The following BUD23 variants were observed in gnomAD, a reference collection of about 807,000 sequenced individuals.
The protein encoded by BUD23 is 18S rRNA (guanine-N(7))-methyltransferase.
BUD23 carries 34 observed loss-of-function variants against 47.0 expected under a neutral mutation model. The observed-to-expected ratio is 0.72, with a 90% CI of 0.55 to 0.96. The LOEUF is 0.96. Ranked by LOEUF, BUD23 falls within the 40% of genes least tolerant of loss-of-function variation. The pLI, the probability that BUD23 is intolerant of heterozygous loss-of-function variation, is 0.00. For synonymous variants in BUD23, 124 were observed against 132.0 expected (o/e 0.94, Z 0.41); for missense variants, 343 against 361.2 (o/e 0.95, Z 0.41).
chr7:73,684,633 G>T (rs1347501861), intron 2 of BUD23, among the ~76,000 whole-genome samples: 1 of 139,856 alleles, frequency 7.2e-6, no homozygotes, highest in Non-Finnish European at 1.6e-5. Context: ...GGGGATGGGG[G>T]CGGGGGGAAG....
chr7:73,691,955 T>A (rs911902396), intron 6 of BUD23, among the ~76,000 whole-genome samples: 5 of 152,140 alleles, frequency 3.3e-5, no homozygotes, highest in African/African-American at 1.2e-4. Flanking sequence ...CTCCTTAGCC[T>A]GGTCTAGCCC....
In BUD23 at chr7:73,689,351, CT is replaced by C. The variant is rs782421144; in HGVS notation, c.363-1550del. On this transcript the variant is annotated intron_variant, in intron 5 of 11. Coordinates refer to ENST00000265758, the MANE Select transcript of BUD23 (RefSeq NM_017528.5). ...CGTGAGCCACCGCACCCGGCCCAGA[CT>C]TTTTTTTTTTTTTTAAACATTTGCT... Among the ~76,000 whole-genome samples, 675 of 142,546 alleles carry C rather than the reference CT, an allele frequency of 4.7e-3. 3 individuals are homozygous for C. The highest frequency in any genetic ancestry group is 7.2e-3 in the Middle Eastern group (2 of 276). 93.5% of individuals were successfully genotyped at this position (142,546 alleles called of 152,430 possible).
chr7:73,683,622 G>T lies in BUD23; in HGVS notation c.-4G>T, dbSNP rs781844801. ...AGTCGCAGGTGTGCTGCTGAGGCGT[G>T]AGAATGGCGTCCCGCGGCCGGCGTC... On this transcript the variant is annotated 5_prime_UTR_variant, in exon 1 of 12. Coordinates refer to ENST00000265758, the MANE Select transcript of BUD23 (RefSeq NM_017528.5). 1.2e-6 allele frequency: 2 copies of T among 1,608,872 alleles called. No homozygotes were observed. Among genetic ancestry groups the T allele is most frequent in the Non-Finnish European group, 1.7e-6 (2 of 1,178,124 alleles).
At chr7:73,694,602 C>T (rs1798326160) in intron 10 of BUD23, 1 of 152,758 alleles carries the variant, frequency 6.5e-6, no homozygotes, top group South Asian at 2.1e-4. Context: ...ACAATTCTGT[C>T]TCATCACAAA....
Position 73,692,663 on chromosome 7 carries a change from C to G in BUD23, c.510+17C>G. 6.2e-7 allele frequency: 1 copy of G among 1,611,340 alleles called. No homozygotes were observed. Among genetic ancestry groups the G allele is most frequent in the Non-Finnish European group, 8.5e-7 (1 of 1,177,768 alleles). ...TCAGAGCAGGTGAGTCCCTCGGCTA[C>G]TGGGTGTGCCGGGGAGTTGGGGGAC... is the stretch of plus-strand genomic sequence containing the variant. On this transcript the variant is annotated intron_variant, in intron 7 of 11. Coordinates refer to ENST00000265758, the MANE Select transcript of BUD23 (RefSeq NM_017528.5).
In BUD23 at chr7:73,698,153, A is replaced by AAAG. The variant is rs1798508945; in HGVS notation, c.*269_*270insGAA. 3.1e-6 allele frequency: 1 copy of AAAG among 319,286 alleles called. No homozygotes were observed. The highest frequency in any genetic ancestry group is 4.6e-5 in the Admixed American group (1 of 21,654). 19.8% of individuals were successfully genotyped at this position (319,286 alleles called of 1,614,324 possible). Reference sequence around the variant, plus strand: ...TCCAGGGAGGAAAAAAAAAAAAAAAAAAAGCTCTGAGAGCATCTTATTTTG... The same window carrying AAAG: ...TCCAGGGAGGAAAAAAAAAAAAAAAAAAGAAAGCTCTGAGAGCATCTTATTTTG... On this transcript the variant is annotated 3_prime_UTR_variant, in exon 12 of 12. Coordinates refer to ENST00000265758, the MANE Select transcript of BUD23 (RefSeq NM_017528.5).
chr7:73,697,744 T>C (rs1271690617), intron 11 of BUD23, 50 bp downstream of exon 11: 1 of 1,611,268 alleles, frequency 6.2e-7, no homozygotes, highest in Non-Finnish European at 8.5e-7. Flanking sequence ...TGGATGACTA[T>C]TGCCATGAAG....
intron 2 of BUD23, chr7:73,684,062 C>T: frequency 2.3e-6 from 3 of 1,307,818 alleles, no homozygotes; most frequent in East Asian, 2.6e-5. Flanking sequence ...ACAATTTGTC[C>T]TAAACATGTG....
chr7:73,687,095 G>A lies in BUD23; in HGVS notation c.362G>A (p.Ser121Asn). The A allele has an allele frequency of 6.2e-7, 1 of 1,613,336 alleles. No individual in the cohort carries two copies. The part of the protein sequence containing the change: ...FKPGTFDGCI[S>N]ISAVQWLCNA... Reference sequence around the variant, plus strand: ...CCAGGCACATTTGATGGTTGCATCAGGTGAGGGTCTTTAATTCCTGCTTTT... The same window carrying A: ...CCAGGCACATTTGATGGTTGCATCAAGTGAGGGTCTTTAATTCCTGCTTTT... The change falls in exon 5 of 12, where the codon AGC (serine) becomes AAC (asparagine). Residue 121 changes from serine (S) to asparagine (N), a missense_variant and splice_region_variant. By Grantham distance (46) the Ser-to-Asn change is conservative. Coordinates refer to ENST00000265758, the MANE Select transcript of BUD23 (RefSeq NM_017528.5).
rs1554613092 is a variant in BUD23 at position 73,686,838 on chromosome 7, G to A, written c.203G>A (p.Gly68Glu). The A allele has an allele frequency of 2.5e-6, 4 of 1,614,198 alleles. No individual in the cohort carries two copies. The South Asian group carries it at 4.4e-5, about 18-fold the overall frequency. Residue 68 changes from glycine (G) to glutamate (E), a missense_variant, in exon 4 of 12, where the codon GGA becomes GAA. Coordinates refer to ENST00000265758, the MANE Select transcript of BUD23 (RefSeq NM_017528.5). ...TCCAGCTGTGGCACTGGGCTGAGTG[G>A]AAGTTATCTGTCAGATGAAGGGCAC... is the stretch of plus-strand genomic sequence containing the variant. ...LDIGCGTGLS[G>E]SYLSDEGHYW...
At chr7:73,683,919 C>G (rs1435988741) in intron 2 of BUD23, 115 bp downstream of exon 2, 13 of 1,597,118 alleles carry the variant, frequency 8.1e-6, no homozygotes, top group Non-Finnish European at 1.1e-5. Flanking sequence ...AAGGGAAGGA[C>G]CCGGGTGGGT....
chr7:73,697,525 G>T, intron 10 of BUD23, 80 bp from the exon 11 acceptor site: 1 of 1,607,784 alleles, frequency 6.2e-7, no homozygotes, highest in Non-Finnish European at 8.5e-7. Context: ...AGGTAAGCTT[G>T]CCATGGATTC....
In BUD23 at chr7:73,686,899, G is replaced by A. The variant is rs782417681; in HGVS notation, c.264G>A (p.Leu88=). Residue 88 remains leucine, a splice_region_variant and synonymous_variant, in exon 4 of 12, where the codon CTG becomes CTA. Transcript: ENST00000265758. The part of the protein sequence containing the change: ...WVGLDISPAM[L]DEAVDREIEG... ...GCCTGGATATCAGCCCTGCCATGCT[G>A]GGTAAGTATGTCCTGTCTGGCACCA... 2.4e-5 allele frequency: 39 copies of A among 1,614,090 alleles called. No homozygotes were observed. Among genetic ancestry groups the A allele is most frequent in the Non-Finnish European group, 3.1e-5 (37 of 1,180,050 alleles).
chr7:73,690,969 C>CCAAGCGCG lies in BUD23; in HGVS notation c.423_424insGCAAGCGC (p.Leu142AlafsTer35). The CCAAGCGCG allele has an allele frequency of 6.2e-7, 1 of 1,614,160 alleles. No individual in the cohort carries two copies. Among genetic ancestry groups the CCAAGCGCG allele is most frequent in the Non-Finnish European group, 8.5e-7 (1 of 1,180,020 alleles). On this transcript the variant is annotated frameshift_variant, in exon 6 of 12. Transcript: ENST00000265758. LOFTEE classifies it high-confidence loss of function. ...GCTAACAAGAAGTCTGAAAACCCTG[C>CCAAGCGCG]CAAGCGCCTGTACTGCTTTTTTGCT...
intron 7 of BUD23, 153 bp from the exon 8 acceptor site, chr7:73,693,176 C>G: frequency 2.9e-6 from 2 of 697,900 alleles, no homozygotes; most frequent in Non-Finnish European, 5.2e-6. Context: ...CAGATTCTAG[C>G]CTGTACTTTT....
intron 3 of BUD23, 23 bp from the exon 4 acceptor site, chr7:73,686,795 G>A: frequency 1.2e-6 from 2 of 1,614,114 alleles, no homozygotes; most frequent in Non-Finnish European, 1.7e-6. Context: ...AACTGACCCT[G>A]AGTGTCTGGT....
chr7:73,691,114 T>C, intron 6 of BUD23, 102 bp downstream of exon 6: 2 of 1,019,130 alleles, frequency 2.0e-6, no homozygotes, highest in South Asian at 1.3e-5. Flanking sequence ...GGTAAGCTAC[T>C]CATATGGGAC....
intron 10 of BUD23, 72 bp from the exon 11 acceptor site, chr7:73,697,533 T>C (rs781814848): frequency 2.5e-5 from 40 of 1,610,014 alleles, no homozygotes; most frequent in Non-Finnish European, 3.3e-5. Flanking sequence ...TTGCCATGGA[T>C]TCACATGGGG....
chr7:73,689,687 T>C (rs1798114729), intron 5 of BUD23, among the ~76,000 whole-genome samples: 1 of 152,036 alleles, frequency 6.6e-6, no homozygotes, highest in South Asian at 2.1e-4. Context: ...GAACGAGAGA[T>C]TCCACGGAAG....
Sources: gnomAD v4.1 joint callset for allele counts (sites outside exome capture counted in the v4.1 genomes callset) on GRCh38, gnomAD v4.1.1 for gene constraint, MANE v1.5 for transcripts, NCBI Gene and HGNC (gene_info 2026-07-23, HGNC 2026-07-21) for gene names.